The following MAP3K1 variants were observed in gnomAD, a reference collection of about 807,000 sequenced individuals.
MAP3K1 encodes the protein MAP/ERK kinase kinase 1.
Under a neutral mutation model 144.2 loss-of-function variants are expected in MAP3K1, and 36 were observed. The observed-to-expected ratio is 0.25, with a 90% CI of 0.19 to 0.33. The LOEUF (loss-of-function observed/expected upper bound fraction) is 0.33, where lower values mean the gene tolerates loss of function less well. MAP3K1 is among the 10% of genes least tolerant of loss of function. The pLI is 1.00. For synonymous variants in MAP3K1, 718 were observed against 688.7 expected, an observed-to-expected ratio of 1.04 and a Z score of -0.67; for missense variants, 1,650 against 1,881.9, an observed-to-expected ratio of 0.88 and a Z score of 2.28.
chr5:56,854,602 CAGT>C (rs1364009523), intron 1 of MAP3K1, among the ~76,000 whole-genome samples: 3 of 152,042 alleles, frequency 2.0e-5, no homozygotes, highest in Admixed American at 6.6e-5. Context: ...TAAAAGATGA[CAGT>C]ATTTTCAAAC....
chr5:56,883,600 A>C lies in MAP3K1; in HGVS notation c.3740A>C (p.Gln1247Pro), dbSNP rs760832031. Residue 1247 changes from glutamine (Q) to proline (P), a missense_variant, in exon 15 of 20, where the codon CAA (glutamine) becomes CCA (proline). Gln to Pro is a moderately conservative substitution (Grantham distance 76, BLOSUM62 -1). Transcript: ENST00000399503. Reference protein sequence around the residue: ...YREDTEWLKGQQIGLGAFSSC... With the variant: ...YREDTEWLKGPQIGLGAFSSC... Reference sequence around the variant, plus strand: ...GAAGACACTGAATGGCTGAAAGGTCAACAGATAGGCCTTGGAGCATTTTCT... The same window carrying C: ...GAAGACACTGAATGGCTGAAAGGTCCACAGATAGGCCTTGGAGCATTTTCT... 1.2e-6 allele frequency: 2 copies of C among 1,614,034 alleles called. No individual in the cohort carries two copies. The highest frequency in any genetic ancestry group is 1.7e-5 in the Admixed American group (1 of 59,996).
intron 6 of MAP3K1, among the ~76,000 whole-genome samples, chr5:56,867,445 G>T (rs1298920535): frequency 6.6e-6 from 1 of 152,006 alleles, no homozygotes; most frequent in Non-Finnish European, 1.5e-5. Context: ...AATAATAAAA[G>T]AATTAGGATA....
At chr5:56,836,398 CT>C (rs887256834) in intron 1 of MAP3K1, among the ~76,000 whole-genome samples, 1 of 151,712 alleles carries the variant, frequency 6.6e-6, no homozygotes, top group Non-Finnish European at 1.5e-5. Flanking sequence ...CAGGAATTAC[CT>C]TTTTTTTGGT....
intron 2 of MAP3K1, 34 bp from the exon 3 acceptor site, chr5:56,859,681 T>G (rs1462066918): frequency 1.3e-6 from 2 of 1,481,960 alleles, no homozygotes; most frequent in African/African-American, 2.8e-5. Context: ...TTTATATTTT[T>G]AAGTAATCAA....
At chr5:56,856,276 A>G (rs921987968) in intron 1 of MAP3K1, among the ~76,000 whole-genome samples, 6 of 152,222 alleles carry the variant, frequency 3.9e-5, no homozygotes, top group African/African-American at 1.4e-4. Flanking sequence ...ATAAAAGTGT[A>G]GTAATACACC....
rs1039577956 is a variant in MAP3K1, at chr5:56,815,739, G to T, written c.166G>T (p.Asp56Tyr). The T allele has an allele frequency of 2.2e-6, 3 of 1,354,896 alleles. No homozygotes were observed. The highest frequency in any genetic ancestry group is 9.5e-7 in the Non-Finnish European group (1 of 1,050,548). The allele number at this position is 1,354,896 out of a possible 1,614,324, so 83.9% of individuals were successfully genotyped here. A position where few individuals can be genotyped will look rare whatever the true frequency, so the allele number is the denominator to read the frequency against. ...EAGSGGRERA[D>Y]WRRRQLRKVR... is the part of the protein sequence containing the mutation. ...GGGCAGCGGGGGCCGCGAGCGGGCG[G>T]ACTGGCGGCGGCGGCAGCTGCGCAA... The change falls in exon 1 of 20, where the codon GAC becomes TAC. Residue 56 changes from aspartate (D) to tyrosine (Y), a missense_variant. Asp to Tyr is a radical substitution (Grantham distance 160). Around this residue, in one of 6 missense-constraint regions of MAP3K1, gnomAD observed 360 missense variants for 274.7 expected, o/e 1.31. Coordinates refer to ENST00000399503, the MANE Select transcript of MAP3K1 (RefSeq NM_005921.2).
chr5:56,873,502 G>A (rs1309710142), intron 9 of MAP3K1, among the ~76,000 whole-genome samples: 2 of 152,128 alleles, frequency 1.3e-5, no homozygotes, highest in Non-Finnish European at 2.9e-5. Context: ...TGTAAGAACA[G>A]TTTCCCATCC....
chr5:56,826,151 T>C (rs1561163452), intron 1 of MAP3K1, among the ~76,000 whole-genome samples: 1 of 152,172 alleles, frequency 6.6e-6, no homozygotes. Context: ...CTTACCTCTA[T>C]CTAGAATACT....
rs1257948934 is a variant in MAP3K1, at chr5:56,872,033, T to C, written c.1423+2T>C. On this transcript the variant is annotated splice_donor_variant, in intron 7 of 19. Transcript: ENST00000399503. LOFTEE classifies it high-confidence loss of function. Reference sequence around the variant, plus strand: ...TGCACCACCACTGCATGTCAATTTGTATGTGGCTCTTTTTCTCCCTATGCT... The same window carrying C: ...TGCACCACCACTGCATGTCAATTTGCATGTGGCTCTTTTTCTCCCTATGCT... 1 of 1,614,010 alleles carries C rather than the reference T, an allele frequency of 6.2e-7. No homozygotes were observed. Among genetic ancestry groups the C allele is most frequent in the South Asian group, 1.1e-5 (1 of 91,092 alleles).
At chr5:56,825,400 T>A (rs1336807252) in intron 1 of MAP3K1, among the ~76,000 whole-genome samples, 1 of 152,200 alleles carries the variant, frequency 6.6e-6, no homozygotes, top group Non-Finnish European at 1.5e-5. Context: ...AAGGATTTGT[T>A]AAGAGATTAT....
chr5:56,816,295 A>G (rs1019286194), intron 1 of MAP3K1, among the ~76,000 whole-genome samples: 2 of 151,910 alleles, frequency 1.3e-5, no homozygotes, highest in African/African-American at 4.8e-5. Flanking sequence ...CAGACATGTG[A>G]CAGGCGTGCG....
chr5:56,878,232 A>C (rs1321345898), intron 10 of MAP3K1, among the ~76,000 whole-genome samples: 1 of 152,100 alleles, frequency 6.6e-6, no homozygotes, highest in Non-Finnish European at 1.5e-5. Context: ...TATAGCAGTT[A>C]TTACTACACC....
chr5:56,859,743 A>T lies in MAP3K1; in HGVS notation c.662A>T (p.Asp221Val), dbSNP rs370060943. 1.2e-6 allele frequency: 2 copies of T among 1,613,930 alleles called. No homozygotes were observed. Among genetic ancestry groups the T allele is most frequent in the Non-Finnish European group, 1.7e-6 (2 of 1,180,002 alleles). ...VVVKPIPVKGDGSEMNHLAAE... is the reference protein window; with the variant it reads ...VVVKPIPVKGVGSEMNHLAAE... ...GTAAAACCAATCCCAGTTAAAGGAG[A>T]TGGATCTGAAATGAATCACTTAGCA... Residue 221 changes from aspartate (D) to valine (V), a missense_variant, in exon 3 of 20, where the codon GAT (aspartate) becomes GTT (valine). Around this residue, in one of 6 missense-constraint regions of MAP3K1, gnomAD observed 148 missense variants for 177.2 expected, o/e 0.84. Coordinates refer to ENST00000399503, the MANE Select transcript of MAP3K1 (RefSeq NM_005921.2).
intron 10 of MAP3K1, among the ~76,000 whole-genome samples, chr5:56,876,725 A>T (rs1748044819): frequency 6.6e-6 from 1 of 152,210 alleles, no homozygotes; most frequent in Admixed American, 6.5e-5. Flanking sequence ...TCACCCATAA[A>T]ATAATGAAAA....
intron 1 of MAP3K1, chr5:56,817,193 A>C: frequency 1.6e-6 from 1 of 629,782 alleles, no homozygotes; most frequent in African/African-American, 2.0e-5. Context: ...AAATTCTTTT[A>C]AGTGTGACAG....
At chr5:56,890,354 A>G (rs1748512283) in intron 19 of MAP3K1, among the ~76,000 whole-genome samples, 1 of 152,212 alleles carries the variant, frequency 6.6e-6, no homozygotes, top group Non-Finnish European at 1.5e-5. Context: ...TCTCCTTCCT[A>G]GGTAGAGTTT....
rs184299850 is a variant in MAP3K1, at chr5:56,867,468, A to G, written c.1301+1491A>G. The stretch of plus-strand genomic sequence containing the variant: ...AAGAATTAGGATAAACAAATTTAAA[A>G]TTCAATTGAAAATGAAGGGCATAAA... On this transcript the variant is annotated intron_variant, in intron 6 of 19. Transcript: ENST00000399503. 4.6e-5 allele frequency among the ~76,000 whole-genome samples: 7 copies of G among 152,334 alleles called. No individual in the cohort carries two copies. In the East Asian group the frequency reaches 1.3e-3, roughly 29 times the overall value.
intron 1 of MAP3K1, chr5:56,817,082 G>A: frequency 1.2e-5 from 12 of 985,400 alleles, no homozygotes; most frequent in Non-Finnish European, 1.4e-5. Context: ...GCTCAGATGC[G>A]TCTTCTGGTG....
intron 3 of MAP3K1, chr5:56,862,054 A>G (rs1425699888): frequency 6.6e-6 from 1 of 152,136 alleles, no homozygotes; most frequent in Non-Finnish European, 1.5e-5. Flanking sequence ...ACTTAAAACA[A>G]TAATCAGTTA....
Sources: gnomAD v4.1 joint callset for allele counts (sites outside exome capture counted in the v4.1 genomes callset) on GRCh38, gnomAD v4.1.1 for gene constraint, gnomAD v4.1.1 regional missense constraint, MANE v1.5 for transcripts, NCBI Gene and HGNC (gene_info 2026-07-23, HGNC 2026-07-21) for gene names.